KCNB2: variants seen among roughly 807,000 people sequenced by gnomAD.
KCNB2 encodes delayed rectifier potassium channel protein.
In KCNB2, 15 loss-of-function variants were observed where a neutral mutation model predicts 61.5. The observed-to-expected ratio is 0.24, with a 90% CI of 0.16 to 0.38. KCNB2 has a LOEUF of 0.38. KCNB2 is among the 10% of genes least tolerant of loss of function. The pLI, the probability that KCNB2 is intolerant of heterozygous loss-of-function variation, is 1.00. For missense variants in KCNB2, 828 were observed against 1,125.2 expected (o/e 0.74, Z 3.78); for synonymous variants, 457 against 446.0 (o/e 1.02, Z -0.31).
chr8:72,932,035 C>A (rs942378075), intron 2 of KCNB2, among the ~76,000 whole-genome samples: 1 of 142,784 alleles, frequency 7.0e-6, no homozygotes, highest in Admixed American at 7.4e-5. Flanking sequence ...ACAAAAAAAA[C>A]TCCTGAGACA....
chr8:72,788,984 A>G (rs1353839068), intron 2 of KCNB2, among the ~76,000 whole-genome samples: 5 of 152,140 alleles, frequency 3.3e-5, no homozygotes, highest in African/African-American at 4.8e-5. Flanking sequence ...TTAAAAATGT[A>G]TTGATTACCT....
intron 2 of KCNB2, among the ~76,000 whole-genome samples, chr8:72,581,181 C>T (rs1161645352): frequency 6.6e-6 from 1 of 152,138 alleles, no homozygotes; most frequent in Non-Finnish European, 1.5e-5. Flanking sequence ...AAATGTGCCT[C>T]ATATACGAGC....
At chr8:72,815,611 T>G (rs1458619259) in intron 2 of KCNB2, among the ~76,000 whole-genome samples, 1 of 152,212 alleles carries the variant, frequency 6.6e-6, no homozygotes, top group African/African-American at 2.4e-5. Flanking sequence ...GGACCGAGAC[T>G]AGGTTAATAC....
chr8:72,713,322 C>T (rs1028902683), intron 2 of KCNB2, among the ~76,000 whole-genome samples: 4 of 152,186 alleles, frequency 2.6e-5, no homozygotes, highest in African/African-American at 7.2e-5. Flanking sequence ...GTGGTTCTCC[C>T]AGCACGCAGC....
At chr8:72,717,137 A>T (rs887629243) in intron 2 of KCNB2, among the ~76,000 whole-genome samples, 9 of 152,230 alleles carry the variant, frequency 5.9e-5, no homozygotes, top group African/African-American at 2.2e-4. Flanking sequence ...GGAGAACTAC[A>T]AATCACAACT....
chr8:72,641,271 A>G (rs1806050376), intron 2 of KCNB2, among the ~76,000 whole-genome samples: 1 of 152,032 alleles, frequency 6.6e-6, no homozygotes, highest in East Asian at 1.9e-4. Flanking sequence ...ATGCATTCAT[A>G]TTTTCTCATC....
intron 2 of KCNB2, among the ~76,000 whole-genome samples, chr8:72,710,748 T>C (rs1197622289): frequency 6.6e-6 from 1 of 152,226 alleles, no homozygotes; most frequent in Admixed American, 6.5e-5. Context: ...TTTCTTAAGA[T>C]GTTATTAAAC....
chr8:72,853,572 C>A (rs981244206), intron 2 of KCNB2, among the ~76,000 whole-genome samples: 7 of 152,180 alleles, frequency 4.6e-5, no homozygotes, highest in Non-Finnish European at 1.0e-4. Flanking sequence ...GCCTCAATTT[C>A]TTTATCTGTA....
At chr8:72,680,701 T>A (rs1455794624) in intron 2 of KCNB2, among the ~76,000 whole-genome samples, 1 of 152,124 alleles carries the variant, frequency 6.6e-6, no homozygotes, top group Non-Finnish European at 1.5e-5. Context: ...TGATGACTAA[T>A]GAGATAAAAT....
At chr8:72,821,134 G>T (rs1809491261) in intron 2 of KCNB2, among the ~76,000 whole-genome samples, 1 of 152,128 alleles carries the variant, frequency 6.6e-6, no homozygotes, top group South Asian at 2.1e-4. Flanking sequence ...AAACACAGAA[G>T]AGGTTGGGGA....
intron 2 of KCNB2, among the ~76,000 whole-genome samples, chr8:72,891,515 T>A (rs17189998): frequency 0.061 from 9,338 of 152,284 alleles, 346 homozygotes; most frequent in Middle Eastern, 0.1. Context: ...CAGCTTAAAT[T>A]ACAAAAGAAT....
intron 2 of KCNB2, among the ~76,000 whole-genome samples, chr8:72,839,215 T>C (rs1007860718): frequency 6.6e-6 from 1 of 152,246 alleles, no homozygotes. Flanking sequence ...AATTCTGTAA[T>C]AAATATTTTC....
chr8:72,840,897 C>T (rs547011313), intron 2 of KCNB2, among the ~76,000 whole-genome samples: 1 of 152,188 alleles, frequency 6.6e-6, no homozygotes, highest in Non-Finnish European at 1.5e-5. Flanking sequence ...TACGGAAGCT[C>T]TTTAGTTTAA....
chr8:72,912,489 CATATATATATATATAT>C (rs5892374), intron 2 of KCNB2, among the ~76,000 whole-genome samples: 2 of 137,334 alleles, frequency 1.5e-5, no homozygotes, highest in African/African-American at 5.3e-5. Context: ...AGCTTTTATT[CATATATATATATATAT>C]ATATATATAT....
At position 72,698,135 on chromosome 8, in the gene KCNB2, C is replaced by G. The variant is rs78296180; in HGVS notation, c.579+129822C>G. ...AAAGACTGTCAAAAGGCTCCTGGAA[C>G]TGATAAACGACTTCAATAAAGTTTC... On this transcript the variant is annotated intron_variant, in intron 2 of 2. Transcript: ENST00000523207. Among the ~76,000 whole-genome samples, 813 of 152,224 alleles carry G rather than the reference C, an allele frequency of 5.3e-3. 7 individuals carry two copies. The highest frequency in any genetic ancestry group is 0.018 in the African/African-American group (755 of 41,532).
At chr8:72,778,422 G>A (rs1216448840) in intron 2 of KCNB2, among the ~76,000 whole-genome samples, 2 of 151,962 alleles carry the variant, frequency 1.3e-5, no homozygotes, top group Non-Finnish European at 2.9e-5. Context: ...TGGCTCAAAT[G>A]ATTCCATGTC....
intron 2 of KCNB2, among the ~76,000 whole-genome samples, chr8:72,631,534 C>A (rs537116145): frequency 2.3e-4 from 35 of 152,256 alleles, no homozygotes; most frequent in Middle Eastern, 3.4e-3. Context: ...TAGGGCTCAC[C>A]CTAATGACCT....
chr8:72,750,215 C>T (rs1476390342), intron 2 of KCNB2: 1 of 152,140 alleles, frequency 6.6e-6, no homozygotes, highest in Non-Finnish European at 1.5e-5. Flanking sequence ...TTACATGTCA[C>T]TGAACTTCAT....
At chr8:72,743,022 C>A (rs1191127523) in intron 2 of KCNB2, among the ~76,000 whole-genome samples, 1 of 152,168 alleles carries the variant, frequency 6.6e-6, no homozygotes, top group African/African-American at 2.4e-5. Flanking sequence ...ACCTTTCAGG[C>A]AGATGACGAC....
Sources: gnomAD v4.1 joint callset for allele counts (sites outside exome capture counted in the v4.1 genomes callset) on GRCh38, gnomAD v4.1.1 for gene constraint, MANE v1.5 for transcripts, NCBI Gene and HGNC (gene_info 2026-07-23, HGNC 2026-07-21) for gene names.